The following ARL1 variants were observed in gnomAD, a reference collection of about 807,000 sequenced individuals.
ARL1 encodes the protein ARF like GTPase 1.
Under a neutral mutation model 30.1 loss-of-function variants are expected in ARL1, and 17 were observed. That is an observed-to-expected ratio of 0.56 (90% CI 0.39 to 0.85). ARL1 has a LOEUF of 0.85. Among genes scored for constraint, ARL1 ranks in the 40% least tolerant of loss-of-function variants. The probability of loss-of-function intolerance (pLI) is 0.00; values close to 1 mark genes in which losing one functional copy is unlikely to be tolerated. For synonymous variants in ARL1, 58 were observed against 71.7 expected, an observed-to-expected ratio of 0.81 and a Z score of 0.97; for missense variants, 102 against 212.6, an observed-to-expected ratio of 0.48 and a Z score of 3.24.
intron 1 of ARL1, 117 bp downstream of exon 1, chr12:101,407,524 GC>G (rs1211367942): frequency 3.1e-5 from 43 of 1,372,774 alleles, no homozygotes; most frequent in Non-Finnish European, 4.1e-5. Context: ...TCCGCGACCC[GC>G]CCCCTGAGGA....
intron 4 of ARL1, among the ~76,000 whole-genome samples, chr12:101,397,129 T>C (rs1871173517): frequency 6.6e-6 from 1 of 152,220 alleles, no homozygotes; most frequent in African/African-American, 2.4e-5. Flanking sequence ...AGTCAAAGTA[T>C]GAACAGTTTT....
intron 4 of ARL1, among the ~76,000 whole-genome samples, chr12:101,399,509 T>TAAAAA (rs200979843): frequency 3.9e-4 from 43 of 110,546 alleles, no homozygotes; most frequent in Middle Eastern, 4.5e-3. Context: ...AGACTCTGTC[T>TAAAAA]AAAAAAAAAA....
chr12:101,404,595 T>A (rs1871389497), intron 2 of ARL1, among the ~76,000 whole-genome samples: 1 of 152,224 alleles, frequency 6.6e-6, no homozygotes, highest in South Asian at 2.1e-4. Context: ...CTAGCCTCTT[T>A]CGTTTTAGTC....
At chr12:101,398,047 T>G (rs1161411816) in intron 4 of ARL1, among the ~76,000 whole-genome samples, 3 of 152,136 alleles carry the variant, frequency 2.0e-5, no homozygotes, top group Non-Finnish European at 1.5e-5. Context: ...TATGTTCTTA[T>G]AATTTTCATT....
rs1871488671 is a variant in ARL1, at chr12:101,407,724, A to G, written c.-79T>C. 1 of 1,602,078 alleles carries G rather than the reference A, an allele frequency of 6.2e-7. No individual in the cohort carries two copies. On this transcript the variant is annotated 5_prime_UTR_variant, in exon 1 of 6. Transcript: ENST00000261636. ...TGCAGCTCCGAGGCGGTTTCCTCGC[A>G]AGCCCAGTCAGCCAGCAACTTCCAC... is the stretch of plus-strand genomic sequence containing the variant.
In ARL1 at chr12:101,396,388, A is replaced by C. The variant is rs777077559; in HGVS notation, c.515+11T>G. On this transcript the variant is annotated intron_variant, in intron 5 of 5. Coordinates refer to ENST00000261636, the MANE Select transcript of ARL1 (RefSeq NM_001177.6). ...AAATGCACAGATGGCTTCTGGAAGC[A>C]TGATACTTGCCATTCCATTGCCTCA... The C allele has an allele frequency of 3.7e-5, 60 of 1,613,948 alleles. No individual in the cohort carries two copies. The highest frequency in any genetic ancestry group is 4.7e-5 in the Non-Finnish European group (55 of 1,179,902).
chr12:101,395,729 T>C, intron 5 of ARL1, 59 bp from the exon 6 acceptor site: 1 of 1,268,278 alleles, frequency 7.9e-7, no homozygotes, highest in Admixed American at 2.0e-5. Flanking sequence ...AGCATGATCA[T>C]CTATAATAAA....
Position 101,405,853 on chromosome 12 carries a change from T to C in ARL1, c.133A>G (p.Thr45Ala). The change falls in exon 2 of 6, where the codon ACT becomes GCT. Residue 45 changes from threonine (T) to alanine (A), a missense_variant. Thr to Ala is a moderately conservative substitution (Grantham distance 58, BLOSUM62 0). Coordinates refer to ENST00000261636, the MANE Select transcript of ARL1 (RefSeq NM_001177.6). ...YRLQVGEVVTTIPTIGFNVET... is the reference protein window; with the variant it reads ...YRLQVGEVVTAIPTIGFNVET... ...TCATACCAACACTTACTAGGTATAG[T>C]AGTAACAACTTCTCCCACTTGTAAT... 6.4e-7 allele frequency: 1 copy of C among 1,563,810 alleles called. No individual in the cohort carries two copies. Among genetic ancestry groups the C allele is most frequent in the African/African-American group, 1.3e-5 (1 of 74,098 alleles).
rs374151230 is a variant in ARL1, at chr12:101,399,886, A to G, written c.336+1176T>C. Among the ~76,000 whole-genome samples, 7 of 152,248 alleles carry G rather than the reference A, an allele frequency of 4.6e-5. No homozygotes were observed. The South Asian group carries it at 1.5e-3, about 32-fold the overall frequency. ...ATCAGGGTAAACTCAAAGAACTTAC[A>G]TTTTAGAGGGAGAGATACATAAGTA... is the stretch of plus-strand genomic sequence containing the variant. On this transcript the variant is annotated intron_variant, in intron 4 of 5. Coordinates refer to ENST00000261636, the MANE Select transcript of ARL1 (RefSeq NM_001177.6).
intron 1 of ARL1, 29 bp from the exon 2 acceptor site, chr12:101,406,010 A>C: frequency 6.5e-7 from 1 of 1,528,774 alleles, no homozygotes; most frequent in East Asian, 2.4e-5. Context: ...AAAAACATAC[A>C]CAATGTCATT....
chr12:101,406,031 G>A (rs1462151173), intron 1 of ARL1, 50 bp from the exon 2 acceptor site: 3 of 1,433,260 alleles, frequency 2.1e-6, no homozygotes, highest in African/African-American at 1.4e-5. Context: ...TTGTGAACTA[G>A]GTATACAAAA....
At chr12:101,407,440 C>CCGAGAGAGGACGGAGGAGAA (rs762433440) in intron 1 of ARL1, 137 of 629,142 alleles carry the variant, frequency 2.2e-4, no homozygotes, top group Non-Finnish European at 3.2e-4. Flanking sequence ...TCAAGGGGAA[C>CCGAGAGAGGACGGAGGAGAA]CGAGAGAGGA....
At chr12:101,398,278 C>T (rs978324951) in intron 4 of ARL1, among the ~76,000 whole-genome samples, 1 of 151,568 alleles carries the variant, frequency 6.6e-6, no homozygotes, top group East Asian at 2.0e-4. Flanking sequence ...CGCTTGCAAT[C>T]CCAGCTACTC....
intron 1 of ARL1, 188 bp downstream of exon 1, chr12:101,407,454 A>C (rs1177049432): frequency 5.7e-6 from 4 of 700,128 alleles, no homozygotes; most frequent in Non-Finnish European, 9.3e-6. Context: ...GAGAGGACGG[A>C]GGAGAACGCG....
At chr12:101,407,811 C>T (rs913843535), upstream of ARL1, 4 of 938,044 alleles carry the variant, frequency 4.3e-6, no homozygotes, top group Admixed American at 7.2e-5. Context: ...GGAACGGTGG[C>T]CTGAGCATCC....
intron 3 of ARL1, 42 bp downstream of exon 3, chr12:101,402,823 A>G (rs1401799406): frequency 2.1e-6 from 3 of 1,398,036 alleles, no homozygotes; most frequent in Non-Finnish European, 2.0e-6. Flanking sequence ...AAGAATCAAT[A>G]AATGTCAAAT....
intron 3 of ARL1, 74 bp from the exon 4 acceptor site, chr12:101,401,247 C>G: frequency 1.1e-6 from 1 of 929,892 alleles, no homozygotes. Flanking sequence ...ATTGCCAATT[C>G]TGTCCCACAC....
At chr12:101,402,711 G>A (rs1871338993) in intron 3 of ARL1, among the ~76,000 whole-genome samples, 154 bp downstream of exon 3, 1 of 152,174 alleles carries the variant, frequency 6.6e-6, no homozygotes, top group South Asian at 2.1e-4. Context: ...CTCAATGGAT[G>A]CTCTAAGGAA....
Position 101,407,769 on chromosome 12 carries a change from C to G in ARL1, c.-124G>C. 1 of 1,446,974 alleles carries G rather than the reference C, an allele frequency of 6.9e-7. No individual in the cohort carries two copies. The highest frequency in any genetic ancestry group is 1.8e-4 in the Middle Eastern group (1 of 5,712). The allele number at this position is 1,446,974 out of a possible 1,614,324, so 89.6% of individuals were successfully genotyped here. The stretch of plus-strand genomic sequence containing the variant: ...TTCCACGTCGGACTCCAGGCGGGGG[C>G]GGGAGCGAGGGTCAGCTGCGACTGC... On this transcript the variant is annotated 5_prime_UTR_variant, in exon 1 of 6. Transcript: ENST00000261636.
Sources: allele counts gnomAD v4.1 joint callset (sites outside exome capture counted in the v4.1 genomes callset), GRCh38; gene constraint gnomAD v4.1.1; transcripts MANE v1.5; gene names NCBI Gene and HGNC (gene_info 2026-07-23, HGNC 2026-07-21).